Variants in CRY1 observed in about 807,000 individuals in gnomAD.
The protein encoded by CRY1 is cryptochrome-1.
CRY1 carries 45 observed loss-of-function variants against 76.0 expected under a neutral mutation model. That is an observed-to-expected ratio of 0.59 (90% CI 0.47 to 0.76). The LOEUF (loss-of-function observed/expected upper bound fraction) is 0.76. CRY1 is among the 30% of genes least tolerant of loss of function. The pLI, the probability that CRY1 is intolerant of heterozygous loss-of-function variation, is 0.00. For synonymous variants in CRY1, 248 were observed against 244.0 expected (o/e 1.02, Z -0.15); for missense variants, 587 against 716.4 (o/e 0.82, Z 2.06).
At chr12:107,043,794 T>C (rs1443971926) in intron 1 of CRY1, among the ~76,000 whole-genome samples, 1 of 152,140 alleles carries the variant, frequency 6.6e-6, no homozygotes, top group Non-Finnish European at 1.5e-5. Context: ...AGAGGGAGGA[T>C]ACTGCTGAGC....
intron 1 of CRY1, among the ~76,000 whole-genome samples, chr12:107,030,102 T>C (rs910082675): frequency 1.3e-5 from 2 of 152,142 alleles, no homozygotes; most frequent in African/African-American, 2.4e-5. Context: ...TCCTGACATA[T>C]AGCAGGAGTT....
Position 107,040,926 on chromosome 12 carries a change from A to G in CRY1, c.159-18734T>C, listed in dbSNP as rs76293551. ...GGATGCTATATAAACCTTTAAAAAA[A>G]AAAAAAAGAGATGGGATCTTGCTAT... On this transcript the variant is annotated intron_variant, in intron 1 of 12. Transcript: ENST00000008527. 3.8e-3 allele frequency among the ~76,000 whole-genome samples: 578 copies of G among 151,874 alleles called. 7 individuals are homozygous for G. The highest frequency in any genetic ancestry group is 0.013 in the African/African-American group (550 of 41,356).
Position 107,066,405 on chromosome 12 carries a change from T to G in CRY1, c.158+26399A>C, listed in dbSNP as rs188391309. ...TAAATGTACATAGAGAGACCCAGAA[T>G]GATTTACATAATGTTTAAGATGGTT... On this transcript the variant is annotated intron_variant, in intron 1 of 12. Transcript: ENST00000008527. Among the ~76,000 whole-genome samples, 478 of 152,310 alleles carry G rather than the reference T, an allele frequency of 3.1e-3. 1 individual carries two copies. Among genetic ancestry groups the G allele is most frequent in the African/African-American group, 0.011 (453 of 41,564 alleles).
intron 7 of CRY1, among the ~76,000 whole-genome samples, chr12:106,999,043 CAA>C (rs778236677): frequency 1.9e-4 from 10 of 52,664 alleles, no homozygotes; most frequent in Admixed American, 2.0e-4. Flanking sequence ...GACTCCGTCT[CAA>C]AAAAAAAAAA....
intron 1 of CRY1, among the ~76,000 whole-genome samples, chr12:107,052,306 AC>A (rs1162214944): frequency 6.6e-6 from 1 of 152,158 alleles, no homozygotes; most frequent in Non-Finnish European, 1.5e-5. Flanking sequence ...TCCTAAAATG[AC>A]AGTACCTCTT....
chr12:107,050,426 A>T (rs776346028), intron 1 of CRY1: 1 of 152,238 alleles, frequency 6.6e-6, no homozygotes, highest in Non-Finnish European at 1.5e-5. Flanking sequence ...GGTTGGTGCT[A>T]TCGTCATGAT....
rs1486035835 is a variant in CRY1 at position 107,000,078 on chromosome 12, C to T, written c.689G>A (p.Trp230Ter). The T allele has an allele frequency of 6.3e-7, 1 of 1,597,324 alleles. No homozygotes were observed. Among genetic ancestry groups the T allele is most frequent in the Non-Finnish European group, 8.5e-7 (1 of 1,175,302 alleles). Residue 230 changes from tryptophan to a stop codon, truncating the protein, a stop_gained, in exon 6 of 13, where the codon TGG becomes TAG. Coordinates refer to ENST00000008527, the MANE Select transcript of CRY1 (RefSeq NM_004075.5). LOFTEE classifies it high-confidence loss of function. Reference sequence around the variant, plus strand: ...TCGAGGTCTTTCAAAATTTGCCACCCAAGCCTGAAAACACACAGAGAAAAT... The same window carrying T: ...TCGAGGTCTTTCAAAATTTGCCACCTAAGCCTGAAAACACACAGAGAAAAT... ...RLERHLERKA[W>*]VANFERPRMN... is the part of the protein sequence containing the mutation.
In CRY1 at chr12:106,992,766, AT is replaced by A; in HGVS notation, c.*20del. 1 of 1,575,948 alleles carries A rather than the reference AT, an allele frequency of 6.3e-7. No individual in the cohort carries two copies. Among genetic ancestry groups the A allele is most frequent in the South Asian group, 1.1e-5 (1 of 90,132 alleles). On this transcript the variant is annotated intron_variant, in intron 12 of 12. Coordinates refer to ENST00000008527, the MANE Select transcript of CRY1 (RefSeq NM_004075.5). ...ATTATATACTCTTCTAAAGCAAGAA[AT>A]ACAGCTCTAAAATATTTACCTAATT... is the stretch of plus-strand genomic sequence containing the variant.
At chr12:106,998,659 A>C (rs1382421659) in intron 7 of CRY1, among the ~76,000 whole-genome samples, 2 of 143,352 alleles carry the variant, frequency 1.4e-5, no homozygotes, top group Non-Finnish European at 1.5e-5. Flanking sequence ...TAAGAGATTA[A>C]ACACACACAC....
chr12:107,069,167 A>C (rs940758759), intron 1 of CRY1, among the ~76,000 whole-genome samples: 7 of 152,152 alleles, frequency 4.6e-5, no homozygotes, highest in South Asian at 2.1e-4. Context: ...TTCTCTCACC[A>C]GCAATGTACA....
Position 107,092,902 on chromosome 12 carries a change from G to T in CRY1, c.60C>A (p.Ala20=). ...RKGLRLHDNP[A]LKECIQGADT... is the part of the protein sequence containing the mutation. ...CGGCGCCCTGAATGCACTCCTTCAG[G>T]GCGGGGTTGTCGTGGAGCCGGAGCC... is the stretch of plus-strand genomic sequence containing the variant. The change falls in exon 1 of 13, where the codon GCC becomes GCA. Residue 20 remains alanine (A), a synonymous_variant. Transcript: ENST00000008527. The T allele has an allele frequency of 6.2e-7, 1 of 1,609,226 alleles. No homozygotes were observed. The highest frequency in any genetic ancestry group is 2.2e-5 in the East Asian group (1 of 44,798).
chr12:107,062,504 T>A (rs1953059903), intron 1 of CRY1, among the ~76,000 whole-genome samples: 1 of 152,126 alleles, frequency 6.6e-6, no homozygotes, highest in Non-Finnish European at 1.5e-5. Flanking sequence ...TAGTACTGTG[T>A]CAGCGCTGAC....
At chr12:107,032,594 C>G (rs1338410790) in intron 1 of CRY1, among the ~76,000 whole-genome samples, 2 of 152,112 alleles carry the variant, frequency 1.3e-5, no homozygotes, top group African/African-American at 4.8e-5. Flanking sequence ...CGGTGGCTCA[C>G]GCCTATAATC....
At chr12:107,005,940 G>C (rs553356414) in intron 2 of CRY1, among the ~76,000 whole-genome samples, 2 of 152,032 alleles carry the variant, frequency 1.3e-5, no homozygotes, top group South Asian at 2.1e-4. Context: ...TTTTTCTTAA[G>C]GAGAAAGTTT....
At chr12:107,029,697 A>C (rs1402943955) in intron 1 of CRY1, among the ~76,000 whole-genome samples, 1 of 152,062 alleles carries the variant, frequency 6.6e-6, no homozygotes, top group African/African-American at 2.4e-5. Context: ...GATACTGTTA[A>C]TTACTTCTAT....
chr12:107,037,477 A>G (rs1258744184), intron 1 of CRY1, among the ~76,000 whole-genome samples: 2 of 152,050 alleles, frequency 1.3e-5, no homozygotes, highest in African/African-American at 4.8e-5. Context: ...GGTTGCAGTG[A>G]GCCAAGATCA....
At chr12:107,046,633 C>T (rs1952852226) in intron 1 of CRY1, among the ~76,000 whole-genome samples, 1 of 152,022 alleles carries the variant, frequency 6.6e-6, no homozygotes, top group Admixed American at 6.5e-5. Flanking sequence ...TTGTATTCTG[C>T]CAACAAGAAA....
chr12:107,034,682 A>G (rs1952713856), intron 1 of CRY1, among the ~76,000 whole-genome samples: 1 of 152,338 alleles, frequency 6.6e-6, no homozygotes, highest in Non-Finnish European at 1.5e-5. Flanking sequence ...TTCTGGTCCC[A>G]GGCTTTATGG....
chr12:107,079,108 T>C (rs1953292318), intron 1 of CRY1, among the ~76,000 whole-genome samples: 2 of 152,140 alleles, frequency 1.3e-5, no homozygotes, highest in South Asian at 4.1e-4. Flanking sequence ...TAGGCAACAA[T>C]GTTGTTTTAG....
Sources: allele counts gnomAD v4.1 joint callset (sites outside exome capture counted in the v4.1 genomes callset), GRCh38; gene constraint gnomAD v4.1.1; transcripts MANE v1.5; gene names NCBI Gene and HGNC (gene_info 2026-07-23, HGNC 2026-07-21).